The following STARD13 variants were observed in gnomAD, a reference collection of about 807,000 sequenced individuals.
STARD13 encodes the protein stAR-related lipid transfer protein 13.
Under a neutral mutation model 106.4 loss-of-function variants are expected in STARD13, and 62 were observed. The observed-to-expected ratio is 0.58, with a 90% CI of 0.48 to 0.72. The LOEUF (loss-of-function observed/expected upper bound fraction) is 0.72. Ranked by LOEUF, STARD13 falls within the 30% of genes least tolerant of loss-of-function variation. The pLI is 0.00. For missense variants in STARD13, 1,387 were observed against 1,424.0 expected, an observed-to-expected ratio of 0.97 and a Z score of 0.42; for synonymous variants, 565 against 553.0, an observed-to-expected ratio of 1.02 and a Z score of -0.31.
the STARD13 span, among the ~76,000 whole-genome samples, chr13:33,376,543 A>G: frequency 6.6e-6 from 1 of 152,016 alleles, no homozygotes; most frequent in Non-Finnish European, 1.5e-5. Context: ...CTGGAAGTTC[A>G]TGGCTGTAGT....
intron 1 of STARD13, among the ~76,000 whole-genome samples, chr13:33,310,549 AT>A (rs1011510519): frequency 6.6e-6 from 1 of 152,328 alleles, no homozygotes; most frequent in South Asian, 2.1e-4. Context: ...TTATAAAAAA[AT>A]AACAAACTAA....
chr13:33,241,953 G>C (rs948423387), intron 1 of STARD13, among the ~76,000 whole-genome samples: 1 of 152,084 alleles, frequency 6.6e-6, no homozygotes, highest in African/African-American at 2.4e-5. Flanking sequence ...GCCTCTGTCC[G>C]GCCGCCACCC....
the STARD13 span, among the ~76,000 whole-genome samples, chr13:33,660,477 A>G: frequency 6.6e-6 from 1 of 152,140 alleles, no homozygotes; most frequent in Non-Finnish European, 1.5e-5. Flanking sequence ...TCAGGTGCAG[A>G]CCATTGGTGA....
rs779385913 is a variant in STARD13, at chr13:33,112,943, T to C, written c.2282-12A>G. On this transcript the variant is annotated splice_polypyrimidine_tract_variant and intron_variant, in intron 8 of 13. Coordinates refer to ENST00000336934, the MANE Select transcript of STARD13 (RefSeq NM_178006.4). Reference sequence around the variant, plus strand: ...CTCTTTGGAGACATCTGAGGAAAAGTGGATGCCAGGTCATTGGAGGAGCAG... The same window carrying C: ...CTCTTTGGAGACATCTGAGGAAAAGCGGATGCCAGGTCATTGGAGGAGCAG... 63 of 1,592,174 alleles carry C rather than the reference T, an allele frequency of 4.0e-5. No homozygotes were observed. In the South Asian group the frequency reaches 6.0e-4, roughly 15 times the overall value.
intron 1 of STARD13, chr13:33,274,189 T>A (rs1891302372): frequency 6.6e-6 from 1 of 152,048 alleles, no homozygotes; most frequent in Non-Finnish European, 1.5e-5. Flanking sequence ...TGTGTTGAAG[T>A]CCTTGCTCCC....
the STARD13 span, among the ~76,000 whole-genome samples, chr13:33,642,854 A>C: frequency 0.02 from 3,003 of 151,930 alleles, 52 homozygotes; most frequent in Non-Finnish European, 0.026. Context: ...AAAAAAAAAA[A>C]AAAACCTCCC....
At chr13:33,197,943 G>A (rs1886752608) in intron 1 of STARD13, among the ~76,000 whole-genome samples, 1 of 152,170 alleles carries the variant, frequency 6.6e-6, no homozygotes, top group Non-Finnish European at 1.5e-5. Flanking sequence ...GGCCGAGATG[G>A]GCGGATCATG....
At chr13:33,314,444 C>CAGG (rs1367004561) in intron 1 of STARD13, among the ~76,000 whole-genome samples, 1 of 152,156 alleles carries the variant, frequency 6.6e-6, no homozygotes, top group East Asian at 1.9e-4. Flanking sequence ...GATGTGTTAT[C>CAGG]AGGATAAGGA....
At chr13:33,360,994 G>C in the STARD13 span, among the ~76,000 whole-genome samples, 3 of 136,422 alleles carry the variant, frequency 2.2e-5, no homozygotes, top group African/African-American at 8.3e-5. Context: ...TTTTAGTAGA[G>C]ACAGGTTTTC....
At chr13:33,531,988 C>G in the STARD13 span, among the ~76,000 whole-genome samples, 1 of 152,094 alleles carries the variant, frequency 6.6e-6, no homozygotes, top group African/African-American at 2.4e-5. Context: ...TGTGCTGTCC[C>G]CCCGTCCCCA....
the STARD13 span, among the ~76,000 whole-genome samples, chr13:33,536,023 G>T: frequency 6.6e-6 from 1 of 152,186 alleles, no homozygotes; most frequent in Admixed American, 6.5e-5. Flanking sequence ...TGATTTGGGG[G>T]ACATGAATAG....
intron 3 of STARD13, among the ~76,000 whole-genome samples, chr13:33,150,140 G>C (rs573053138): frequency 8.5e-5 from 13 of 152,094 alleles, no homozygotes; most frequent in Non-Finnish European, 1.8e-4. Flanking sequence ...TGATAGGCTC[G>C]GTAGGCTTTT....
At chr13:33,360,104 G>A in the STARD13 span, among the ~76,000 whole-genome samples, 1 of 152,196 alleles carries the variant, frequency 6.6e-6, no homozygotes, top group Admixed American at 6.5e-5. Context: ...AGAACTCTTA[G>A]GAGTTTAAAC....
chr13:33,342,520 T>A (rs998866529), intron 1 of STARD13, among the ~76,000 whole-genome samples: 2 of 151,918 alleles, frequency 1.3e-5, no homozygotes, highest in Admixed American at 6.6e-5. Flanking sequence ...CAGTGAGGGT[T>A]TTTTTATAGT....
At chr13:33,545,282 A>G in the STARD13 span, among the ~76,000 whole-genome samples, 15 of 151,740 alleles carry the variant, frequency 9.9e-5, no homozygotes, top group Non-Finnish European at 2.2e-4. Flanking sequence ...TTTTTAGTAG[A>G]GACGGGGTTT....
the STARD13 span, among the ~76,000 whole-genome samples, chr13:33,363,788 C>G: frequency 6.6e-6 from 1 of 152,122 alleles, no homozygotes; most frequent in Non-Finnish European, 1.5e-5. Context: ...GTCTGCATCC[C>G]TAGTAGTGAA....
chr13:33,209,397 T>C (rs1255978429), intron 1 of STARD13, among the ~76,000 whole-genome samples: 1 of 151,720 alleles, frequency 6.6e-6, no homozygotes. Flanking sequence ...AAAATGCCTT[T>C]AAGAATTATA....
At chr13:33,442,804 G>A in the STARD13 span, among the ~76,000 whole-genome samples, 1 of 152,108 alleles carries the variant, frequency 6.6e-6, no homozygotes, top group Non-Finnish European at 1.5e-5. Context: ...GGCAAAAAAT[G>A]AATACATAAC....
intron 1 of STARD13, among the ~76,000 whole-genome samples, chr13:33,303,010 C>T (rs1409005584): frequency 6.6e-6 from 1 of 152,112 alleles, no homozygotes; most frequent in Non-Finnish European, 1.5e-5. Flanking sequence ...TGAAATCATT[C>T]ATGTTTGGAA....
Sources: allele counts gnomAD v4.1 joint callset (sites outside exome capture counted in the v4.1 genomes callset), GRCh38; gene constraint gnomAD v4.1.1; transcripts MANE v1.5; gene names NCBI Gene and HGNC (gene_info 2026-07-23, HGNC 2026-07-21).